SLC13A1: variants seen among roughly 807,000 people sequenced by gnomAD.
SLC13A1 encodes Na(+)/sulfate cotransporter.
In SLC13A1, 65 loss-of-function variants were observed where a neutral mutation model predicts 70.0. The observed-to-expected ratio is 0.93, with a 90% CI of 0.76 to 1.14. The LOEUF (loss-of-function observed/expected upper bound fraction) is 1.14. Ranked by LOEUF, SLC13A1 falls within the 50% of genes most tolerant of loss-of-function variation. The pLI is 0.00. For synonymous variants in SLC13A1, 275 were observed against 250.5 expected, an observed-to-expected ratio of 1.10 and a Z score of -0.92; for missense variants, 726 against 717.8, an observed-to-expected ratio of 1.01 and a Z score of -0.13.
At chr7:123,198,107 T>C (rs983320526) in intron 1 of SLC13A1, among the ~76,000 whole-genome samples, 4 of 152,048 alleles carry the variant, frequency 2.6e-5, no homozygotes, top group African/African-American at 7.2e-5. Context: ...ATGGTCATGA[T>C]AGGATTCAGC....
intron 7 of SLC13A1, among the ~76,000 whole-genome samples, chr7:123,141,866 T>C (rs1433244861): frequency 6.6e-6 from 1 of 152,164 alleles, no homozygotes; most frequent in Non-Finnish European, 1.5e-5. Context: ...ATAGATCTTG[T>C]TTTTTATCCA....
intron 7 of SLC13A1, among the ~76,000 whole-genome samples, chr7:123,143,708 T>G (rs1794240058): frequency 6.6e-6 from 1 of 152,174 alleles, no homozygotes. Flanking sequence ...ACCTGATTTT[T>G]GGTCCTTATG....
chr7:123,133,503 C>T lies in SLC13A1; in HGVS notation c.932+907G>A, dbSNP rs1006530143. 3.5e-4 allele frequency among the ~76,000 whole-genome samples: 53 copies of T among 152,052 alleles called. 1 individual carries two copies. The highest frequency in any genetic ancestry group is 1.2e-3 in the African/African-American group (50 of 41,418). ...TTATCATCTTAGGACTCAAAGGACACTTAGATTATTTGTTTTCTAATCTTT... is the reference window on the plus strand; with the variant it reads ...TTATCATCTTAGGACTCAAAGGACATTTAGATTATTTGTTTTCTAATCTTT... On this transcript the variant is annotated intron_variant, in intron 8 of 14. Transcript: ENST00000194130.
At chr7:123,138,301 TCATC>T (rs1563325778) in intron 7 of SLC13A1, among the ~76,000 whole-genome samples, 1 of 152,204 alleles carries the variant, frequency 6.6e-6, no homozygotes, top group East Asian at 1.9e-4. Context: ...CACATTTTCT[TCATC>T]CATCCGTTGA....
chr7:123,180,430 A>C (rs1256209548), intron 2 of SLC13A1, among the ~76,000 whole-genome samples: 3 of 152,092 alleles, frequency 2.0e-5, no homozygotes, highest in African/African-American at 7.2e-5. Context: ...CGTTTGGGAA[A>C]CCAAATCCAC....
At position 123,134,175 on chromosome 7, in the gene SLC13A1, G is replaced by A. The variant is rs574661921; in HGVS notation, c.932+235C>T. On this transcript the variant is annotated intron_variant, in intron 8 of 14. Transcript: ENST00000194130. ...TTCAAAGTGCTGGGATTATAGGCAT[G>A]AGCCACCGCAGCTGGCCCCTTTCTA... Among the ~76,000 whole-genome samples the A allele has an allele frequency of 3.3e-5, 5 of 152,264 alleles. No individual in the cohort carries two copies. In the South Asian group the frequency reaches 1.0e-3, roughly 32 times the overall value.
chr7:123,154,635 T>G (rs1197629031), intron 6 of SLC13A1, among the ~76,000 whole-genome samples: 1 of 152,162 alleles, frequency 6.6e-6, no homozygotes, highest in Non-Finnish European at 1.5e-5. Context: ...GCCCCTTCTG[T>G]AAGTTAGAAT....
chr7:123,117,051 T>C (rs1793203837), intron 14 of SLC13A1, among the ~76,000 whole-genome samples: 1 of 152,194 alleles, frequency 6.6e-6, no homozygotes, highest in Non-Finnish European at 1.5e-5. Context: ...ACTCAGTGTC[T>C]CATTCAGAGG....
At chr7:123,178,300 C>A (rs540254526) in intron 2 of SLC13A1, among the ~76,000 whole-genome samples, 3 of 151,920 alleles carry the variant, frequency 2.0e-5, no homozygotes, top group African/African-American at 7.2e-5. Flanking sequence ...ACTGTGATGG[C>A]CAAAGAGAGA....
intron 6 of SLC13A1, among the ~76,000 whole-genome samples, chr7:123,151,938 T>A (rs550813805): frequency 2.0e-5 from 3 of 152,200 alleles, no homozygotes; most frequent in East Asian, 3.9e-4. Context: ...GTTAATGAAA[T>A]AGTGTGTTTA....
At chr7:123,157,727 T>C (rs1794759447) in intron 6 of SLC13A1, among the ~76,000 whole-genome samples, 1 of 152,110 alleles carries the variant, frequency 6.6e-6, no homozygotes, top group Non-Finnish European at 1.5e-5. Context: ...CTATTTAAAA[T>C]ATTAAAAACA....
chr7:123,172,792 C>CT (rs35006554), intron 2 of SLC13A1, among the ~76,000 whole-genome samples: 7,673 of 151,240 alleles, frequency 0.051, 613 homozygotes, highest in African/African-American at 0.17. Flanking sequence ...GGTACATAAT[C>CT]TTTTTTTTTA....
At chr7:123,178,016 T>TC (rs1461830562) in intron 2 of SLC13A1, among the ~76,000 whole-genome samples, 1 of 138,058 alleles carries the variant, frequency 7.2e-6, no homozygotes, top group East Asian at 2.1e-4. Context: ...TATCTCTCTC[T>TC]TTCTCTCTCT....
At chr7:123,162,286 A>G (rs142958697) in intron 6 of SLC13A1, among the ~76,000 whole-genome samples, 41 of 152,290 alleles carry the variant, frequency 2.7e-4, no homozygotes, top group African/African-American at 9.4e-4. Flanking sequence ...TCAAAAGTCA[A>G]TAGTTTCTTT....
chr7:123,169,224 G>A lies in SLC13A1; in HGVS notation c.477C>T (p.Ile159=), dbSNP rs1363431980. ...PIAEAVVQQI[I]NAEAEVEATQ... ...TGGCCTCGACCTCTGCTTCTGCATTGATGATCTGCTGCACTACAGCCTCCG... is the reference window on the plus strand; with the variant it reads ...TGGCCTCGACCTCTGCTTCTGCATTAATGATCTGCTGCACTACAGCCTCCG... The change falls in exon 4 of 15, where the codon ATC becomes ATT. Residue 159 remains isoleucine (I), a synonymous_variant. Coordinates refer to ENST00000194130, the MANE Select transcript of SLC13A1 (RefSeq NM_022444.4). The A allele has an allele frequency of 6.2e-7, 1 of 1,614,028 alleles. No homozygotes were observed. Among genetic ancestry groups the A allele is most frequent in the East Asian group, 2.2e-5 (1 of 44,852 alleles).
At chr7:123,126,272 A>G (rs961485598) in intron 10 of SLC13A1, among the ~76,000 whole-genome samples, 1 of 152,188 alleles carries the variant, frequency 6.6e-6, no homozygotes, top group South Asian at 2.1e-4. Context: ...ATGAAATTCA[A>G]TCAAGAATAT....
intron 6 of SLC13A1, among the ~76,000 whole-genome samples, chr7:123,152,866 GTT>G (rs1794599611): frequency 6.6e-6 from 1 of 151,974 alleles, no homozygotes; most frequent in African/African-American, 2.4e-5. Context: ...AGGGAAATAA[GTT>G]TAAAAATTCT....
chr7:123,160,089 C>T (rs2470971), intron 6 of SLC13A1, among the ~76,000 whole-genome samples: 4,362 of 151,884 alleles, frequency 0.029, 207 homozygotes, highest in African/African-American at 0.1. Context: ...CGAGACTAGC[C>T]TGGCCAACAT....
rs1033075893 is a variant in SLC13A1 at position 123,147,194 on chromosome 7, G to A, written c.777C>T (p.Thr259=). 4 of 1,613,648 alleles carry A rather than the reference G, an allele frequency of 2.5e-6. No individual in the cohort carries two copies. The highest frequency in any genetic ancestry group is 3.4e-6 in the Non-Finnish European group (4 of 1,179,766). The change falls in exon 7 of 15, where the codon ACC becomes ACT. Residue 259 remains threonine (T), a synonymous_variant. Transcript: ENST00000194130. The part of the protein sequence containing the change: ...TIGGLTTITG[T]STNLIFAEYF... ...ACTCTGCAAAGATCAAGTTGGTGGA[G>A]GTACCAGTGATTGTTGTCAGTCCAC...
Sources: allele counts gnomAD v4.1 joint callset (sites outside exome capture counted in the v4.1 genomes callset), GRCh38; gene constraint gnomAD v4.1.1; transcripts MANE v1.5; gene names NCBI Gene and HGNC (gene_info 2026-07-23, HGNC 2026-07-21).